TYW1B: variants seen among roughly 807,000 people sequenced by gnomAD.
The protein encoded by TYW1B is tRNA-yW synthesizing protein 1 homolog B.
TYW1B carries 73 observed loss-of-function variants against 86.9 expected under a neutral mutation model. The ratio of observed to expected loss-of-function variants is 0.84; its 90% CI spans 0.70 to 1.02. TYW1B has a LOEUF of 1.02. Ranked by LOEUF, TYW1B falls within the 50% of genes least tolerant of loss-of-function variation. The probability of loss-of-function intolerance (pLI) is 0.00; values close to 1 mark genes in which losing one functional copy is unlikely to be tolerated. For synonymous variants in TYW1B, 248 were observed against 292.8 expected (o/e 0.85, Z 1.56); for missense variants, 637 against 827.4 (o/e 0.77, Z 2.82).
intron 11 of TYW1B, among the ~76,000 whole-genome samples, chr7:72,670,004 G>A (rs1160056493): frequency 1.3e-5 from 2 of 151,996 alleles, no homozygotes; most frequent in African/African-American, 2.4e-5. Flanking sequence ...GGTGGCACAT[G>A]CCTGTAGTCT....
intron 10 of TYW1B, among the ~76,000 whole-genome samples, chr7:72,702,990 A>C (rs570452363): frequency 0.85 from 101,019 of 118,818 alleles, 41,932 homozygotes; most frequent in Middle Eastern, 0.88. Flanking sequence ...ATCTATCTAT[A>C]TATATATATA....
chr7:72,801,885 A>G, intron 6 of TYW1B, among the ~76,000 whole-genome samples: 1 of 152,150 alleles, frequency 6.6e-6, no homozygotes, highest in Non-Finnish European at 1.5e-5. Flanking sequence ...TTTCACTTGG[A>G]ATCTCAACCA....
intron 11 of TYW1B, among the ~76,000 whole-genome samples, chr7:72,689,325 CATT>C (rs1814084068): frequency 6.6e-6 from 1 of 152,168 alleles, no homozygotes. Context: ...TTTAATGTAT[CATT>C]ATCTTATTTT....
chr7:72,787,529 GGTGGATCACAAGGTCA>G (rs1215614255), intron 6 of TYW1B, among the ~76,000 whole-genome samples: 2 of 151,334 alleles, frequency 1.3e-5, no homozygotes, highest in Non-Finnish European at 2.9e-5. Flanking sequence ...GGCCAAGGCA[GGTGGATCACAAGGTCA>G]GTGGATCACA....
At chr7:72,631,563 G>A (rs1364379217) in intron 11 of TYW1B, among the ~76,000 whole-genome samples, 1 of 152,036 alleles carries the variant, frequency 6.6e-6, no homozygotes. Context: ...TGGACTAACA[G>A]AAGAATTTCT....
chr7:72,612,474 G>T (rs1423941008), intron 13 of TYW1B, among the ~76,000 whole-genome samples: 1 of 152,156 alleles, frequency 6.6e-6, no homozygotes, highest in African/African-American at 2.4e-5. Flanking sequence ...CTAAGTCAAT[G>T]GGGAAACTTT....
At chr7:72,678,663 C>T (rs1554447868) in intron 11 of TYW1B, among the ~76,000 whole-genome samples, 2 of 135,644 alleles carry the variant, frequency 1.5e-5, no homozygotes, top group African/African-American at 2.7e-5. Flanking sequence ...CTCGCTCAGC[C>T]GCCAAGTAGC....
intron 2 of TYW1B, among the ~76,000 whole-genome samples, chr7:72,818,691 C>T (rs1489805302): frequency 1.3e-4 from 19 of 150,150 alleles, no homozygotes; most frequent in African/African-American, 4.4e-4. Context: ...GGAAGTGTAA[C>T]GACATCTGCT....
At chr7:72,697,407 G>C (rs540073046) in intron 10 of TYW1B, among the ~76,000 whole-genome samples, 18 of 152,162 alleles carry the variant, frequency 1.2e-4, no homozygotes, top group African/African-American at 4.3e-4. Flanking sequence ...AAGGAGCAGA[G>C]GAAGAATGGA....
intron 10 of TYW1B, among the ~76,000 whole-genome samples, chr7:72,703,823 C>G (rs1343336217): frequency 6.6e-6 from 1 of 150,476 alleles, no homozygotes; most frequent in Admixed American, 6.6e-5. Flanking sequence ...CCACTGCACT[C>G]CAGGCTGGGT....
At chr7:72,731,404 A>T (rs1235498036) in intron 8 of TYW1B, among the ~76,000 whole-genome samples, 1 of 150,400 alleles carries the variant, frequency 6.6e-6, no homozygotes, top group South Asian at 2.1e-4. Context: ...AAAAAAAAAA[A>T]AAAAAAAAAA....
chr7:72,631,166 A>C (rs1554439732), intron 11 of TYW1B, among the ~76,000 whole-genome samples: 2 of 152,148 alleles, frequency 1.3e-5, no homozygotes, highest in African/African-American at 2.4e-5. Context: ...CATTAAAAAA[A>C]AAAAAATCCA....
At chr7:72,627,442 C>A (rs568189167) in intron 12 of TYW1B, among the ~76,000 whole-genome samples, 1 of 147,778 alleles carries the variant, frequency 6.8e-6, no homozygotes, top group East Asian at 2.0e-4. Flanking sequence ...AGTGAGACTT[C>A]ATCTCAAAAA....
At chr7:72,606,487 A>G (rs4717661) in intron 13 of TYW1B, among the ~76,000 whole-genome samples, 46,789 of 150,924 alleles carry the variant, frequency 0.31, 6,972 homozygotes, top group African/African-American at 0.34. Flanking sequence ...GACTACACAG[A>G]AAGCCTGGAC....
At chr7:72,696,811 A>C (rs1283337496) in intron 10 of TYW1B, among the ~76,000 whole-genome samples, 1 of 152,206 alleles carries the variant, frequency 6.6e-6, no homozygotes, top group Admixed American at 6.6e-5. Flanking sequence ...GAGGTGATTA[A>C]GATCCTGGCA....
intron 7 of TYW1B, among the ~76,000 whole-genome samples, chr7:72,774,868 C>A (rs1318080920): frequency 6.6e-6 from 1 of 152,088 alleles, no homozygotes; most frequent in Non-Finnish European, 1.5e-5. Flanking sequence ...ATCCATTGAT[C>A]CAAGCTGATC....
At chr7:72,822,854 C>G (rs1171127811) in intron 2 of TYW1B, 3 of 152,162 alleles carry the variant, frequency 2.0e-5, no homozygotes, top group Non-Finnish European at 4.4e-5. Flanking sequence ...ATTAGCCCAG[C>G]ATGGTGGCAC....
chr7:72,575,610 T>C lies in TYW1B; in HGVS notation c.1895A>G (p.Tyr632Cys). ...TGCCCAGTGAGGAGTTCTGGCCATA[T>C]AATCCTTTGCGCTGAACGTTTTTGA... ...GGSKTFSAKD[Y>C]MARTPHWALF... Residue 632 changes from tyrosine to cysteine, a missense_variant, in exon 14 of 14, where the codon TAT becomes TGT. Transcript: ENST00000620995. The C allele has an allele frequency of 1.2e-6, 2 of 1,613,866 alleles. No individual in the cohort carries two copies. The highest frequency in any genetic ancestry group is 1.7e-6 in the Non-Finnish European group (2 of 1,179,858).
At chr7:72,658,319 T>A (rs1391353534) in intron 11 of TYW1B, among the ~76,000 whole-genome samples, 152,234 of 152,236 alleles carry the variant, frequency 1, 76,116 homozygotes, top group Middle Eastern at 1. Context: ...GCAACTAATT[T>A]AACACTGAGG....
Sources: allele counts gnomAD v4.1 joint callset (sites outside exome capture counted in the v4.1 genomes callset), GRCh38; gene constraint gnomAD v4.1.1; transcripts MANE v1.5; gene names NCBI Gene and HGNC (gene_info 2026-07-23, HGNC 2026-07-21).